Variants in CEP112 observed in about 807,000 individuals in gnomAD.
CEP112 encodes centrosomal protein of 112 kDa.
CEP112 carries 127 observed loss-of-function variants against 153.0 expected under a neutral mutation model. The observed-to-expected ratio is 0.83, with a 90% CI of 0.72 to 0.96. The LOEUF (loss-of-function observed/expected upper bound fraction) is 0.96, where lower values mean the gene tolerates loss of function less well. CEP112 is among the 40% of genes least tolerant of loss of function. The pLI, the probability that CEP112 is intolerant of heterozygous loss-of-function variation, is 0.00. For missense variants in CEP112, 1,089 were observed against 1,101.2 expected, an observed-to-expected ratio of 0.99 and a Z score of 0.16; for synonymous variants, 358 against 374.4, an observed-to-expected ratio of 0.96 and a Z score of 0.51.
At chr17:65,915,280 C>T (rs1402267056) in intron 19 of CEP112, among the ~76,000 whole-genome samples, 1 of 152,092 alleles carries the variant, frequency 6.6e-6, no homozygotes, top group Non-Finnish European at 1.5e-5. Flanking sequence ...CACTCTTTAC[C>T]TTACATTCTA....
At chr17:65,827,033 C>G (rs951392631) in intron 21 of CEP112, among the ~76,000 whole-genome samples, 4 of 152,230 alleles carry the variant, frequency 2.6e-5, no homozygotes, top group Non-Finnish European at 4.4e-5. Context: ...CCTGCTGAGT[C>G]TTCTGGCCTT....
chr17:65,740,378 C>T (rs1032571547), intron 23 of CEP112, among the ~76,000 whole-genome samples: 1 of 152,178 alleles, frequency 6.6e-6, no homozygotes, highest in Non-Finnish European at 1.5e-5. Flanking sequence ...TTAATTGCCA[C>T]CTTTGGGCAA....
rs980699250 is a variant in CEP112, at chr17:66,060,433, T to C, written c.1074+2530A>G. On this transcript the variant is annotated intron_variant, in intron 11 of 26. Coordinates refer to ENST00000535342, the MANE Select transcript of CEP112 (RefSeq NM_001199165.4). Reference sequence around the variant, plus strand: ...AAAATTTGCATGTAACCACAGAAGATTCTGAGTAGCCAAAGCAATCTTAAG... The same window carrying C: ...AAAATTTGCATGTAACCACAGAAGACTCTGAGTAGCCAAAGCAATCTTAAG... Among the ~76,000 whole-genome samples the C allele has an allele frequency of 2.0e-5, 3 of 152,136 alleles. No homozygotes were observed. In the South Asian group the frequency reaches 6.2e-4, roughly 32 times the overall value.
At chr17:66,076,789 C>T (rs1194991844) in intron 8 of CEP112, among the ~76,000 whole-genome samples, 2 of 152,176 alleles carry the variant, frequency 1.3e-5, no homozygotes, top group African/African-American at 2.4e-5. Flanking sequence ...AGCTAAGAAC[C>T]CTCACAGAGT....
At chr17:65,747,370 G>A (rs2051536265) in intron 22 of CEP112, among the ~76,000 whole-genome samples, 2 of 152,182 alleles carry the variant, frequency 1.3e-5, no homozygotes, top group African/African-American at 2.4e-5. Context: ...ATTGGGTAGT[G>A]TGGGACAGTG....
intron 23 of CEP112, 39 bp downstream of exon 23, chr17:65,743,029 A>AG: frequency 1.9e-6 from 3 of 1,540,466 alleles, no homozygotes; most frequent in Non-Finnish European, 2.6e-6. Flanking sequence ...ATTACATTAA[A>AG]GCAGCTGGTA....
At chr17:66,024,190 A>G (rs1316732439) in intron 16 of CEP112, among the ~76,000 whole-genome samples, 1 of 152,094 alleles carries the variant, frequency 6.6e-6, no homozygotes, top group African/African-American at 2.4e-5. Flanking sequence ...AGGATCTGTA[A>G]GGCAAACCCA....
chr17:65,969,796 G>A (rs955922088), intron 17 of CEP112, among the ~76,000 whole-genome samples: 10 of 151,796 alleles, frequency 6.6e-5, no homozygotes, highest in Non-Finnish European at 1.0e-4. Flanking sequence ...ACATGCATGC[G>A]CATCACATGT....
chr17:65,808,111 T>C (rs910144947), intron 21 of CEP112, among the ~76,000 whole-genome samples: 1 of 152,244 alleles, frequency 6.6e-6, no homozygotes, highest in Non-Finnish European at 1.5e-5. Flanking sequence ...CAGCATGCCA[T>C]ATATATGAGA....
chr17:65,752,653 T>C (rs1460594037), intron 21 of CEP112, among the ~76,000 whole-genome samples: 1 of 152,176 alleles, frequency 6.6e-6, no homozygotes, highest in Non-Finnish European at 1.5e-5. Flanking sequence ...CTTCCAGTTC[T>C]TCACTTCACC....
intron 8 of CEP112, among the ~76,000 whole-genome samples, chr17:66,076,809 C>T (rs1345821539): frequency 6.6e-6 from 1 of 152,178 alleles, no homozygotes; most frequent in African/African-American, 2.4e-5. Flanking sequence ...TCCATTTCAC[C>T]CTCATGCCAC....
intron 19 of CEP112, among the ~76,000 whole-genome samples, chr17:65,921,806 A>G (rs2060738975): frequency 6.6e-6 from 1 of 152,204 alleles, no homozygotes; most frequent in Non-Finnish European, 1.5e-5. Flanking sequence ...TTTGATCAAT[A>G]CAAAGACAAA....
At chr17:65,851,543 G>A (rs551644789) in intron 21 of CEP112, among the ~76,000 whole-genome samples, 11 of 152,200 alleles carry the variant, frequency 7.2e-5, no homozygotes, top group South Asian at 2.1e-4. Context: ...TTATTACAAC[G>A]TGTATTTAAT....
At chr17:65,901,204 G>C (rs1461419026) in intron 20 of CEP112, among the ~76,000 whole-genome samples, 7 of 152,156 alleles carry the variant, frequency 4.6e-5, no homozygotes. Flanking sequence ...TGCGGAGGAA[G>C]AATAACTACA....
chr17:66,173,503 A>G (rs1404333652), intron 4 of CEP112, among the ~76,000 whole-genome samples: 1 of 152,240 alleles, frequency 6.6e-6, no homozygotes, highest in East Asian at 1.9e-4. Context: ...AAGCTCTAAG[A>G]TACAGGAAAC....
At chr17:65,940,865 A>T (rs1427485410) in intron 18 of CEP112, among the ~76,000 whole-genome samples, 1 of 152,172 alleles carries the variant, frequency 6.6e-6, no homozygotes, top group Non-Finnish European at 1.5e-5. Flanking sequence ...CAAAATTGGT[A>T]AGAGAGTATA....
At chr17:65,644,043 T>C (rs1003640198) in intron 24 of CEP112, among the ~76,000 whole-genome samples, 1 of 152,176 alleles carries the variant, frequency 6.6e-6, no homozygotes, top group Non-Finnish European at 1.5e-5. Flanking sequence ...GGTCTGCCTC[T>C]TGGTGTCAAT....
Position 65,864,999 on chromosome 17 carries a change from TC to T in CEP112, c.2164-12966del, listed in dbSNP as rs528739441. On this transcript the variant is annotated intron_variant, in intron 20 of 26. Coordinates refer to ENST00000535342, the MANE Select transcript of CEP112 (RefSeq NM_001199165.4). ...ATCTATGTACCTTTTATTCACTTGG[TC>T]CTTTCATTTTACTTTATACAGGAAA... Among the ~76,000 whole-genome samples, 158 of 151,716 alleles carry T rather than the reference TC, an allele frequency of 1.0e-3. 3 individuals carry two copies. In the South Asian group the frequency reaches 0.02, roughly 20 times the overall value.
chr17:65,644,372 G>A, intron 24 of CEP112: 2 of 556,630 alleles, frequency 3.6e-6, no homozygotes, highest in Non-Finnish European at 3.3e-6. Flanking sequence ...TTCAAGTCTG[G>A]CATTTTCCAG....
Sources: allele counts gnomAD v4.1 joint callset (sites outside exome capture counted in the v4.1 genomes callset), GRCh38; gene constraint gnomAD v4.1.1; transcripts MANE v1.5; gene names NCBI Gene and HGNC (gene_info 2026-07-23, HGNC 2026-07-21).